The following MRE11 variants were observed in gnomAD, a reference collection of about 807,000 sequenced individuals.
MRE11 encodes the protein double-strand break repair protein MRE11.
Under a neutral mutation model 91.7 loss-of-function variants are expected in MRE11, and 62 were observed. The observed-to-expected ratio is 0.68, with a 90% CI of 0.55 to 0.84. The LOEUF is 0.84. Ranked by LOEUF, MRE11 falls within the 40% of genes least tolerant of loss-of-function variation. MRE11 has a pLI of 0.00. For synonymous variants in MRE11, 273 were observed against 271.4 expected, an observed-to-expected ratio of 1.01 and a Z score of -0.06; for missense variants, 796 against 852.9, an observed-to-expected ratio of 0.93 and a Z score of 0.83.
In MRE11 at chr11:94,419,467, A is replaced by AGAGG. The variant is rs1945112937; in HGVS notation, c.*657_*658insCCTC. On this transcript the variant is annotated 3_prime_UTR_variant, in exon 20 of 20. Coordinates refer to ENST00000323929, the MANE Select transcript of MRE11 (RefSeq NM_005591.4). ...AGAGTGGGGAACGGGGGGGAGAGGG[A>AGAGG]GAGAGAGAGAGAGAGAGAGAGAGAG... 4 of 142,568 alleles carry AGAGG rather than the reference A, an allele frequency of 2.8e-5. No individual in the cohort carries two copies. Among genetic ancestry groups the AGAGG allele is most frequent in the African/African-American group, 5.6e-5 (2 of 35,936 alleles). 8.8% of individuals were successfully genotyped at this position (142,568 alleles called of 1,614,324 possible). A position where few individuals can be genotyped will look rare whatever the true frequency, so the allele number is the denominator to read the frequency against.
intron 18 of MRE11, among the ~76,000 whole-genome samples, chr11:94,432,609 C>G (rs1483587701): frequency 1.3e-5 from 2 of 152,182 alleles, no homozygotes; most frequent in African/African-American, 4.8e-5. Flanking sequence ...AGATCCAGAC[C>G]ATCCTGGCTA....
At chr11:94,462,333 C>A (rs1053291933) in intron 11 of MRE11, among the ~76,000 whole-genome samples, 1 of 152,098 alleles carries the variant, frequency 6.6e-6, no homozygotes, top group African/African-American at 2.4e-5. Context: ...GAATCAATAT[C>A]GTGAAAATGG....
intron 12 of MRE11, among the ~76,000 whole-genome samples, chr11:94,460,442 A>C (rs1332608876): frequency 1.3e-5 from 2 of 152,232 alleles, no homozygotes; most frequent in East Asian, 3.8e-4. Context: ...TCCAAATGTG[A>C]GAAAACTAAA....
chr11:94,496,575 A>G, upstream of MRE11: 1 of 907,174 alleles, frequency 1.1e-6, no homozygotes, highest in Non-Finnish European at 1.6e-6. Context: ...TTATTGTTTT[A>G]CTAATAACTT....
intron 14 of MRE11, among the ~76,000 whole-genome samples, chr11:94,451,221 A>G (rs1347977333): frequency 6.6e-6 from 1 of 152,186 alleles, no homozygotes; most frequent in Non-Finnish European, 1.5e-5. Flanking sequence ...GGAAGACCCA[A>G]GACTTATGAG....
chr11:94,437,287 A>C, intron 16 of MRE11, 52 bp from the exon 17 acceptor site: 1 of 1,552,634 alleles, frequency 6.4e-7, no homozygotes, highest in Non-Finnish European at 8.8e-7. Flanking sequence ...AATAACTTAG[A>C]AAAACTTGCA....
intron 19 of MRE11, among the ~76,000 whole-genome samples, chr11:94,423,387 CAGT>C (rs1945225513): frequency 1.3e-5 from 2 of 152,212 alleles, no homozygotes; most frequent in South Asian, 4.2e-4. Context: ...TTGGCCCAAA[CAGT>C]AGGCAGAGAC....
chr11:94,498,811 G>A (rs1179463916), upstream of MRE11: 1 of 368,940 alleles, frequency 2.7e-6, no homozygotes, highest in African/African-American at 2.1e-5. Context: ...ACAGAAACTG[G>A]TATTTTTGGT....
intron 16 of MRE11, among the ~76,000 whole-genome samples, chr11:94,437,630 G>A (rs1056576363): frequency 6.6e-6 from 1 of 152,132 alleles, no homozygotes; most frequent in Admixed American, 6.6e-5. Context: ...TAGGAGCCAT[G>A]GGGTTCCAGT....
chr11:94,500,180 C>T, the MRE11 span, among the ~76,000 whole-genome samples: 5 of 152,198 alleles, frequency 3.3e-5, no homozygotes, highest in Admixed American at 6.5e-5. Flanking sequence ...CTGAAAGTCA[C>T]AGAGCTGATG....
At chr11:94,484,039 T>C (rs1046903426) in intron 4 of MRE11, among the ~76,000 whole-genome samples, 3 of 151,958 alleles carry the variant, frequency 2.0e-5, no homozygotes, top group Admixed American at 6.5e-5. Flanking sequence ...CAGGGTTCCT[T>C]GAAGAAATGG....
At chr11:94,465,424 G>A (rs1042888778) in intron 10 of MRE11, among the ~76,000 whole-genome samples, 1 of 137,094 alleles carries the variant, frequency 7.3e-6, no homozygotes, top group Non-Finnish European at 1.5e-5. Flanking sequence ...TTGAGATGGC[G>A]TCTCACTGTC....
chr11:94,447,194 G>A (rs368982732), intron 15 of MRE11, 25 bp downstream of exon 15: 113 of 1,602,534 alleles, frequency 7.1e-5, no homozygotes, highest in Admixed American at 3.3e-4. Context: ...GTGTGAATGT[G>A]CACAGGACTG....
At position 94,418,366 on chromosome 11, in the gene MRE11, T is replaced by G. The variant is rs1281462422; in HGVS notation, c.*1759A>C. 4 of 232,766 alleles carry G rather than the reference T, an allele frequency of 1.7e-5. No homozygotes were observed. The highest frequency in any genetic ancestry group is 8.8e-5 in the African/African-American group (4 of 45,346). 14.4% of individuals were successfully genotyped at this position (232,766 alleles called of 1,614,324 possible). A position where few individuals can be genotyped will look rare whatever the true frequency, so the allele number is the denominator to read the frequency against. ...ACTGAATCGCATTTAGTACCTCTTT[T>G]CACAGCCAAGAGCAATTTTTTTTTT... is the stretch of plus-strand genomic sequence containing the variant. On this transcript the variant is annotated 3_prime_UTR_variant, in exon 20 of 20. Transcript: ENST00000323929.
At chr11:94,464,340 C>T (rs2135002058) in intron 10 of MRE11, 101 bp from the exon 11 acceptor site, 1 of 1,474,550 alleles carries the variant, frequency 6.8e-7, no homozygotes, top group Admixed American at 1.8e-5. Flanking sequence ...ATGCTTGATA[C>T]TTTGAAATTT....
At chr11:94,507,335 T>C in the MRE11 span, among the ~76,000 whole-genome samples, 2 of 152,252 alleles carry the variant, frequency 1.3e-5, no homozygotes, top group African/African-American at 4.8e-5. Context: ...TTCCGTTATA[T>C]GAATATGTAA....
At chr11:94,498,445 T>A (rs749169445), upstream of MRE11, 1 of 1,613,816 alleles carries the variant, frequency 6.2e-7, no homozygotes, top group Non-Finnish European at 8.5e-7. Context: ...TGGAAGAAAC[T>A]GCATTTGATA....
Position 94,461,053 on chromosome 11 carries a change from A to G in MRE11, c.1226-17T>C, listed in dbSNP as rs771323157. The G allele has an allele frequency of 1.9e-6, 3 of 1,581,534 alleles. No homozygotes were observed. Among genetic ancestry groups the G allele is most frequent in the African/African-American group, 1.3e-5 (1 of 74,340 alleles). On this transcript the variant is annotated splice_polypyrimidine_tract_variant and intron_variant, in intron 11 of 19. Coordinates refer to ENST00000323929, the MANE Select transcript of MRE11 (RefSeq NM_005591.4). ...TCTCTTCTCCTAGAAAAAAAGAAGTATATCAAAAAATAGCTTCTATCATAA... is the reference window on the plus strand; with the variant it reads ...TCTCTTCTCCTAGAAAAAAAGAAGTGTATCAAAAAATAGCTTCTATCATAA...
Position 94,429,921 on chromosome 11 carries a change from T to C in MRE11, c.2060A>G (p.Glu687Gly). ...QSQVSKGVDF[E>G]SSEDDDDDPF... is the part of the protein sequence containing the mutation. ...ATATTACTTATTTACCTCACTTGAT[T>C]CAAAATCAACCCCTTTCGATACTTG... The change falls in exon 19 of 20, where the codon GAA becomes GGA. Residue 687 changes from glutamate (E) to glycine (G), a missense_variant. Coordinates refer to ENST00000323929, the MANE Select transcript of MRE11 (RefSeq NM_005591.4). 1 of 1,613,282 alleles carries C rather than the reference T, an allele frequency of 6.2e-7. No homozygotes were observed. The highest frequency in any genetic ancestry group is 8.5e-7 in the Non-Finnish European group (1 of 1,179,766).
Sources: gnomAD v4.1 joint callset for allele counts (sites outside exome capture counted in the v4.1 genomes callset) on GRCh38, gnomAD v4.1.1 for gene constraint, MANE v1.5 for transcripts, NCBI Gene and HGNC (gene_info 2026-07-23, HGNC 2026-07-21) for gene names.